TCF7L2: variants seen among roughly 807,000 people sequenced by gnomAD.
TCF7L2 encodes transcription factor 7 like 2, also known as transcription factor 7-like 2.
A neutral mutation model predicts 77.9 loss-of-function variants in TCF7L2; 23 were observed. The observed-to-expected ratio is 0.30, with a 90% CI of 0.21 to 0.42. TCF7L2 has a LOEUF of 0.42. TCF7L2 is among the 10% of genes least tolerant of loss of function. The pLI is 1.00. For synonymous variants in TCF7L2, 413 were observed against 340.2 expected (o/e 1.21, Z -2.36); for missense variants, 654 against 793.1 (o/e 0.82, Z 2.11).
chr10:113,090,037 C>T (rs1039726249), intron 5 of TCF7L2, among the ~76,000 whole-genome samples: 15 of 152,260 alleles, frequency 9.9e-5, no homozygotes, highest in Admixed American at 2.6e-4. Context: ...CTGAGGCAGC[C>T]GTGAATGGCT....
intron 4 of TCF7L2, among the ~76,000 whole-genome samples, chr10:113,020,351 C>T (rs1199638795): frequency 6.6e-6 from 1 of 152,126 alleles, no homozygotes; most frequent in African/African-American, 2.4e-5. Context: ...GTGGCAGAGC[C>T]ACCTCCCCCT....
chr10:113,000,830 A>C (rs1438134610), intron 4 of TCF7L2, among the ~76,000 whole-genome samples: 1 of 152,052 alleles, frequency 6.6e-6, no homozygotes, highest in East Asian at 1.9e-4. Context: ...TCGGACAGGC[A>C]CCTTAATTTT....
At chr10:113,156,115 CT>C (rs35516476) in intron 11 of TCF7L2, among the ~76,000 whole-genome samples, 71,680 of 120,446 alleles carry the variant, frequency 0.6, 19,620 homozygotes, top group Middle Eastern at 0.81. Flanking sequence ...TTCTTTCTTT[CT>C]TTTTTTTTTT....
chr10:113,019,390 G>T (rs923929365), intron 4 of TCF7L2, among the ~76,000 whole-genome samples: 8 of 151,990 alleles, frequency 5.3e-5, no homozygotes, highest in African/African-American at 1.2e-4. Context: ...TAATGGTTGT[G>T]GGGGGGTGGC....
intron 4 of TCF7L2, among the ~76,000 whole-genome samples, chr10:113,027,415 A>G (rs910556693): frequency 1.3e-5 from 2 of 152,090 alleles, no homozygotes; most frequent in Non-Finnish European, 2.9e-5. Context: ...CTCTCCAGGG[A>G]GAAAGTCTTT....
chr10:112,963,186 A>G (rs1042356970), intron 3 of TCF7L2, among the ~76,000 whole-genome samples: 1 of 152,198 alleles, frequency 6.6e-6, no homozygotes, highest in African/African-American at 2.4e-5. Flanking sequence ...ATGGATATTT[A>G]TAGACTTAGC....
In TCF7L2 at chr10:113,054,949, C is replaced by T. The variant is rs114109573; in HGVS notation, c.552+14823C>T. On this transcript the variant is annotated intron_variant, in intron 5 of 13. Coordinates refer to ENST00000627217, the MANE Select transcript of TCF7L2 (RefSeq NM_001146274.2). ...CAACATTGTACATTGAAATTTAGCT[C>T]ATTCTTTTTAACTGCTCTGTAGTAT... is the stretch of plus-strand genomic sequence containing the variant. Among the ~76,000 whole-genome samples, 361 of 151,946 alleles carry T rather than the reference C, an allele frequency of 2.4e-3. 1 individual carries two copies. Among genetic ancestry groups the T allele is most frequent in the African/African-American group, 8.5e-3 (354 of 41,452 alleles).
At position 112,951,286 on chromosome 10, in the gene TCF7L2, C is replaced by A; in HGVS notation, c.256+13C>A. 2.9e-6 allele frequency: 4 copies of A among 1,378,646 alleles called. No homozygotes were observed. In the East Asian group the frequency reaches 1.0e-4, roughly 35 times the overall value. 85.4% of individuals were successfully genotyped at this position (1,378,646 alleles called of 1,614,324 possible). On this transcript the variant is annotated intron_variant, in intron 2 of 13. Coordinates refer to ENST00000627217, the MANE Select transcript of TCF7L2 (RefSeq NM_001146274.2). The stretch of plus-strand genomic sequence containing the variant: ...AGTTTGGAAGAAGGTGAGTACGCCC[C>A]GCGCGCCCCGCAGCCGCCCGGAGCC...
In TCF7L2 at chr10:112,951,517, GC is replaced by G; in HGVS notation, c.293del (p.Pro98HisfsTer10). 1 of 1,430,294 alleles carries G rather than the reference GC, an allele frequency of 7.0e-7. No homozygotes were observed. Among genetic ancestry groups the G allele is most frequent in the Non-Finnish European group, 9.4e-7 (1 of 1,069,056 alleles). 88.6% of individuals were successfully genotyped at this position (1,430,294 alleles called of 1,614,324 possible). A position where few individuals can be genotyped will look rare whatever the true frequency, so the allele number is the denominator to read the frequency against. ...GGCAAGATGGAGGGCTCTTTAAGGG[GC>G]CACCGTATCCCGGCTACCCCTTCAT... On this transcript the variant is annotated frameshift_variant, in exon 3 of 14. Coordinates refer to ENST00000627217, the MANE Select transcript of TCF7L2 (RefSeq NM_001146274.2). LOFTEE classifies it high-confidence loss of function.
chr10:113,151,635 G>T lies in TCF7L2; in HGVS notation c.1002-90G>T. The stretch of plus-strand genomic sequence containing the variant: ...TAATCCAAAACTGCTAGGCTTGGGG[G>T]TTATGAGACAAGGAGATACGTTCCC... On this transcript the variant is annotated intron_variant, in intron 9 of 13. Coordinates refer to ENST00000627217, the MANE Select transcript of TCF7L2 (RefSeq NM_001146274.2). This position sits in a 1 kb window ranked among gnomAD's most constrained non-coding sequence, Gnocchi z 5.2. 6.8e-7 allele frequency: 1 copy of T among 1,462,696 alleles called. No individual in the cohort carries two copies. The highest frequency in any genetic ancestry group is 9.1e-7 in the Non-Finnish European group (1 of 1,101,738). The allele number at this position is 1,462,696 out of a possible 1,614,324, so 90.6% of individuals were successfully genotyped here.
At chr10:113,150,714 C>T (rs542908375) in intron 8 of TCF7L2, among the ~76,000 whole-genome samples, 1 of 152,156 alleles carries the variant, frequency 6.6e-6, no homozygotes, top group Non-Finnish European at 1.5e-5. Context: ...GTAGTCCAAG[C>T]CCACTTTTCC....
rs150290319 is a variant in TCF7L2, at chr10:113,008,391, C to A, written c.451-31634C>A. On this transcript the variant is annotated intron_variant, in intron 4 of 13. Coordinates refer to ENST00000627217, the MANE Select transcript of TCF7L2 (RefSeq NM_001146274.2). ...GCCCCCAGATACACCTGTCTCTCTG[C>A]GTAGCGGCACTCAGCGTCACCTTTC... Among the ~76,000 whole-genome samples the A allele has an allele frequency of 2.1e-4, 32 of 152,300 alleles. No individual in the cohort carries two copies. In the South Asian group the frequency reaches 6.2e-3, roughly 30 times the overall value.
At chr10:113,086,552 T>G (rs1231850322) in intron 5 of TCF7L2, among the ~76,000 whole-genome samples, 1 of 152,208 alleles carries the variant, frequency 6.6e-6, no homozygotes, top group Non-Finnish European at 1.5e-5. Context: ...GTGTAAACTT[T>G]CCCACTTCTG....
intron 11 of TCF7L2, among the ~76,000 whole-genome samples, chr10:113,153,609 T>C (rs1265906790): frequency 6.6e-6 from 1 of 152,198 alleles, no homozygotes; most frequent in Non-Finnish European, 1.5e-5. Context: ...GACACACAGC[T>C]CTTAACTGCC....
At chr10:113,135,664 G>A (rs1039983127) in intron 5 of TCF7L2, among the ~76,000 whole-genome samples, 3 of 152,212 alleles carry the variant, frequency 2.0e-5, no homozygotes, top group Non-Finnish European at 4.4e-5. Context: ...GATACTGCAT[G>A]TTTGTATTTG....
intron 4 of TCF7L2, among the ~76,000 whole-genome samples, chr10:113,024,988 GC>G (rs1380129499): frequency 1.3e-5 from 2 of 152,088 alleles, no homozygotes; most frequent in Non-Finnish European, 2.9e-5. Flanking sequence ...AGTTTTGACT[GC>G]ATTTTGACTG....
At chr10:113,112,000 G>T (rs534516353) in intron 5 of TCF7L2, among the ~76,000 whole-genome samples, 1 of 152,044 alleles carries the variant, frequency 6.6e-6, no homozygotes, top group African/African-American at 2.4e-5. Context: ...TAACACCACC[G>T]TCCAGACTGT....
In TCF7L2 at chr10:113,165,853, C is replaced by T. The variant is rs747148769; in HGVS notation, c.1690C>T (p.Gln564Ter). 6.2e-7 allele frequency: 1 copy of T among 1,607,774 alleles called. No homozygotes were observed. Among genetic ancestry groups the T allele is most frequent in the Non-Finnish European group, 8.5e-7 (1 of 1,176,252 alleles). ...CCTGGACCTGCCCCCAGCCGCTTTGCAGCCTGCCGCCCCCTCCTCATCAAT... is the reference window on the plus strand; with the variant it reads ...CCTGGACCTGCCCCCAGCCGCTTTGTAGCCTGCCGCCCCCTCCTCATCAAT... The change falls in exon 14 of 14, where the codon CAG (glutamine) becomes TAG (stop). Residue 564 changes from glutamine to a stop codon, truncating the protein, a stop_gained. Transcript: ENST00000627217. LOFTEE classifies it high-confidence loss of function.
chr10:113,035,991 G>T (rs1433627261), intron 4 of TCF7L2, among the ~76,000 whole-genome samples: 1 of 152,122 alleles, frequency 6.6e-6, no homozygotes, highest in Non-Finnish European at 1.5e-5. Flanking sequence ...AATTCCACTT[G>T]CCCCGTCCAT....
Sources: gnomAD v4.1 joint callset for allele counts (sites outside exome capture counted in the v4.1 genomes callset) on GRCh38, gnomAD v4.1.1 for gene constraint, Gnocchi (gnomAD v3.1) non-coding constraint, MANE v1.5 for transcripts, NCBI Gene and HGNC (gene_info 2026-07-23, HGNC 2026-07-21) for gene names.